The following ZC3HC1 variants were observed in gnomAD, a reference collection of about 807,000 sequenced individuals.
ZC3HC1 encodes the protein zinc finger C3HC-type protein 1.
In ZC3HC1, 38 loss-of-function variants were observed where a neutral mutation model predicts 61.9. That is an observed-to-expected ratio of 0.61 (90% confidence interval 0.47 to 0.81). The LOEUF is 0.81. Among genes scored for constraint, ZC3HC1 ranks in the 30% least tolerant of loss-of-function variants. The probability of loss-of-function intolerance (pLI) is 0.00; values close to 1 mark genes in which losing one functional copy is unlikely to be tolerated. For missense variants in ZC3HC1, 554 were observed against 622.7 expected, an observed-to-expected ratio of 0.89 and a Z score of 1.17; for synonymous variants, 213 against 229.9, an observed-to-expected ratio of 0.93 and a Z score of 0.67.
rs1210821102 is a variant in ZC3HC1 at position 130,024,518 on chromosome 7, T to A, written c.777-12A>T. On this transcript the variant is annotated splice_polypyrimidine_tract_variant and intron_variant, in intron 6 of 9. Coordinates refer to ENST00000358303, the MANE Select transcript of ZC3HC1 (RefSeq NM_016478.5). Reference sequence around the variant, plus strand: ...ATTCCAAAGAGGAACTAGATAGGAATGAAAAAGAGAGTTTTCTCAAAGTGT... The same window carrying A: ...ATTCCAAAGAGGAACTAGATAGGAAAGAAAAAGAGAGTTTTCTCAAAGTGT... 3.1e-6 allele frequency: 5 copies of A among 1,589,696 alleles called. No individual in the cohort carries two copies. The highest frequency in any genetic ancestry group is 1.4e-5 in the African/African-American group (1 of 73,894).
intron 2 of ZC3HC1, 150 bp from the exon 3 acceptor site, chr7:130,041,251 G>A (rs1313732576): frequency 1.2e-5 from 10 of 841,848 alleles, no homozygotes; most frequent in Admixed American, 3.4e-5. Flanking sequence ...GCAGTGGCAC[G>A]ATCTAAGCTC....
chr7:130,031,229 TGAGGCAGAATCGCTTGAACCCGGGAGGCG>T (rs1413933162), intron 4 of ZC3HC1, among the ~76,000 whole-genome samples: 3 of 148,736 alleles, frequency 2.0e-5, no homozygotes, highest in African/African-American at 5.0e-5. Flanking sequence ...CTCGGGAGGC[TGAGGCAGAATCGCTTGAACCCGGGAGGCG>T]GAGGTTTGGT....
chr7:130,048,774 C>T (rs1288715729), intron 2 of ZC3HC1, among the ~76,000 whole-genome samples: 2 of 152,102 alleles, frequency 1.3e-5, no homozygotes, highest in African/African-American at 4.8e-5. Context: ...ATAATATATA[C>T]AAAAACATAC....
At chr7:130,029,434 A>C (rs1164390471) in intron 4 of ZC3HC1, among the ~76,000 whole-genome samples, 1 of 152,212 alleles carries the variant, frequency 6.6e-6, no homozygotes, top group Non-Finnish European at 1.5e-5. Context: ...GAGGAAATAT[A>C]GTAAAATTGA....
chr7:130,032,613 T>A lies in ZC3HC1; in HGVS notation c.494-3584A>T, dbSNP rs559682564. Among the ~76,000 whole-genome samples, 17 of 148,656 alleles carry A rather than the reference T, an allele frequency of 1.1e-4. No homozygotes were observed. The South Asian group carries it at 3.6e-3, about 32-fold the overall frequency. On this transcript the variant is annotated intron_variant, in intron 4 of 9. Transcript: ENST00000358303. ...GTGAGCTATGATTGTGCCACTGCAC[T>A]GTAGCCTGGGAGAGAGAGAGAGAGG...
rs6980036 is a variant in ZC3HC1, at chr7:130,023,240, G to A, written c.1233+271C>T. ...CCTGGTGCCAAAAAGGTTGGGGACC[G>A]CTGCCAGATCAGGTTTGTCCCTGTA... On this transcript the variant is annotated intron_variant, in intron 8 of 9. Transcript: ENST00000358303. The surrounding 1 kb of genome is among the most constrained non-coding windows in gnomAD (Gnocchi z 4.2). 0.023 allele frequency among the ~76,000 whole-genome samples: 3,531 copies of A among 152,138 alleles called. 49 individuals are homozygous for A. The highest frequency in any genetic ancestry group is 0.031 in the Middle Eastern group (9 of 294).
chr7:130,030,770 A>G (rs13308726), intron 4 of ZC3HC1, among the ~76,000 whole-genome samples: 2 of 149,812 alleles, frequency 1.3e-5, no homozygotes, highest in Non-Finnish European at 3.0e-5. Context: ...TGGGGTTCAC[A>G]CCATTCTCCT....
At chr7:130,040,507 A>G (rs1794609978) in intron 3 of ZC3HC1, among the ~76,000 whole-genome samples, 1 of 149,428 alleles carries the variant, frequency 6.7e-6, no homozygotes, top group African/African-American at 2.5e-5. Context: ...CAAAAAAAAA[A>G]AAAAAAAAAA....
intron 4 of ZC3HC1, 30 bp from the exon 5 acceptor site, chr7:130,029,059 T>C (rs754534494): frequency 1.1e-5 from 18 of 1,602,480 alleles, no homozygotes; most frequent in Admixed American, 8.5e-5. Context: ...GAAGATTATA[T>C]TGGTGTAAAC....
chr7:130,049,910 C>A (rs2140873), intron 1 of ZC3HC1, among the ~76,000 whole-genome samples: 5 of 150,838 alleles, frequency 3.3e-5, no homozygotes, highest in African/African-American at 9.8e-5. Context: ...AGGGACCTTT[C>A]ATACCCACTC....
intron 4 of ZC3HC1, among the ~76,000 whole-genome samples, chr7:130,030,837 T>A (rs796347024): frequency 1.0e-3 from 159 of 151,604 alleles, no homozygotes; most frequent in African/African-American, 3.6e-3. Flanking sequence ...CCTGGCTAAT[T>A]TTTTATATTT....
chr7:130,042,490 A>T (rs549205703), intron 2 of ZC3HC1, among the ~76,000 whole-genome samples: 6 of 152,064 alleles, frequency 3.9e-5, no homozygotes, highest in Non-Finnish European at 8.8e-5. Flanking sequence ...ATGCTCTCCT[A>T]CTGTACCCCA....
In ZC3HC1 at chr7:130,022,376, C is replaced by T. The variant is rs1229053424; in HGVS notation, c.1383G>A (p.Val461=). The T allele has an allele frequency of 6.2e-7, 1 of 1,613,958 alleles. No homozygotes were observed. ...SAPAEPGWKA[V]LTILLAHKQS... ...GTTTGTGCGCCAAGAGGATGGTCAG[C>T]ACTGCTTTCCAGCCTGGCTCTGCTG... The change falls in exon 9 of 10, where the codon GTG becomes GTA. Residue 461 remains valine, a synonymous_variant. Coordinates refer to ENST00000358303, the MANE Select transcript of ZC3HC1 (RefSeq NM_016478.5).
chr7:130,041,189 GTTT>G, intron 2 of ZC3HC1, 88 bp from the exon 3 acceptor site: 1 of 1,090,392 alleles, frequency 9.2e-7, no homozygotes, highest in Non-Finnish European at 1.2e-6. Flanking sequence ...TACACATACT[GTTT>G]TTTTTTTGTT....
intron 4 of ZC3HC1, among the ~76,000 whole-genome samples, chr7:130,033,838 G>A (rs1383588653): frequency 6.6e-6 from 1 of 152,170 alleles, no homozygotes; most frequent in Non-Finnish European, 1.5e-5. Context: ...CTTGCCCCAA[G>A]ACATGGAATC....
At chr7:130,030,269 G>A (rs568548634) in intron 4 of ZC3HC1, among the ~76,000 whole-genome samples, 3 of 150,794 alleles carry the variant, frequency 2.0e-5, no homozygotes, top group Non-Finnish European at 2.9e-5. Flanking sequence ...GTGCGATCAC[G>A]GCTCACTGCA....
Position 130,018,404 on chromosome 7 carries a change from C to T in ZC3HC1, c.*260G>A. The T allele has an allele frequency of 2.5e-6, 1 of 406,610 alleles. No individual in the cohort carries two copies. The highest frequency in any genetic ancestry group is 4.4e-6 in the Non-Finnish European group (1 of 225,014). The allele number at this position is 406,610 out of a possible 1,614,324, so 25.2% of individuals were successfully genotyped here. On this transcript the variant is annotated 3_prime_UTR_variant, in exon 10 of 10. Coordinates refer to ENST00000358303, the MANE Select transcript of ZC3HC1 (RefSeq NM_016478.5). ...ATGGGTGGTCAGGTCCTTAGTCTTCCTTCTAGTCTGTTAATCCCACACTCC... is the reference window on the plus strand; with the variant it reads ...ATGGGTGGTCAGGTCCTTAGTCTTCTTTCTAGTCTGTTAATCCCACACTCC...
intron 4 of ZC3HC1, among the ~76,000 whole-genome samples, chr7:130,033,681 T>G (rs1794312953): frequency 6.6e-6 from 1 of 152,120 alleles, no homozygotes; most frequent in African/African-American, 2.4e-5. Context: ...CTCAAACTCC[T>G]GACCTCGTGA....
chr7:130,031,737 G>T (rs1208049437), intron 4 of ZC3HC1, among the ~76,000 whole-genome samples: 2 of 152,134 alleles, frequency 1.3e-5, no homozygotes, highest in African/African-American at 4.8e-5. Flanking sequence ...GACCTGAAAA[G>T]GCCCTAAGCT....
Sources: allele counts gnomAD v4.1 joint callset (sites outside exome capture counted in the v4.1 genomes callset), GRCh38; gene constraint gnomAD v4.1.1; non-coding constraint Gnocchi (gnomAD v3.1); transcripts MANE v1.5; gene names NCBI Gene and HGNC (gene_info 2026-07-23, HGNC 2026-07-21).